PCDHGA7: variants seen among roughly 807,000 people sequenced by gnomAD.
The protein encoded by PCDHGA7 is protocadherin gamma subfamily A, 7, also known as protocadherin gamma-A7.
A neutral mutation model predicts 58.3 loss-of-function variants in PCDHGA7; 44 were observed. That is an observed-to-expected ratio of 0.75 (90% CI 0.59 to 0.97). The LOEUF is 0.97. Among genes scored for constraint, PCDHGA7 ranks in the 50% least tolerant of loss-of-function variants. The pLI is 0.00. For missense variants in PCDHGA7, 1,266 were observed against 1,188.7 expected (o/e 1.06, Z -0.96); for synonymous variants, 516 against 504.2 (o/e 1.02, Z -0.31).
chr5:141,416,650 A>G (rs935670434), intron 1 of PCDHGA7: 2 of 152,238 alleles, frequency 1.3e-5, no homozygotes, highest in Admixed American at 6.5e-5. Context: ...CCACAGCTGT[A>G]AAAAAGAAAA....
At position 141,403,695 on chromosome 5, in the gene PCDHGA7, G is replaced by T. The variant is rs376074779; in HGVS notation, c.2424+18372G>T. On this transcript the variant is annotated intron_variant, in intron 1 of 3. Transcript: ENST00000518325. ...CCGGTTTTTGCTCAACGGATTTACC[G>T]AGTTAAAGTCCTTGAGAACGTGCCC... The T allele has an allele frequency of 2.9e-5, 46 of 1,613,780 alleles. No individual in the cohort carries two copies. The highest frequency in any genetic ancestry group is 3.7e-5 in the Non-Finnish European group (44 of 1,179,906).
intron 1 of PCDHGA7, chr5:141,414,273 G>A: frequency 6.2e-7 from 1 of 1,613,418 alleles, no homozygotes; most frequent in Non-Finnish European, 8.5e-7. Flanking sequence ...ATTCACCTCT[G>A]GGAACAGTCG....
chr5:141,496,126 C>T (rs934132550), intron 2 of PCDHGA7, among the ~76,000 whole-genome samples: 2 of 152,062 alleles, frequency 1.3e-5, no homozygotes, highest in African/African-American at 4.8e-5. Context: ...CCCTGCCCCT[C>T]ACACACTGAG....
intron 2 of PCDHGA7, among the ~76,000 whole-genome samples, chr5:141,501,049 A>G (rs1458722311): frequency 1.3e-5 from 2 of 151,844 alleles, no homozygotes; most frequent in African/African-American, 2.4e-5. Flanking sequence ...TTGTATTTTT[A>G]GTAGAGACGG....
At position 141,432,724 on chromosome 5, in the gene PCDHGA7, C is replaced by T. The variant is rs752394602; in HGVS notation, c.2424+47401C>T. ...AGGACCACGGCCAGCCCCCTCTCTCCGCCACTGTCACGCTCACCGTGGCCG... is the reference window on the plus strand; with the variant it reads ...AGGACCACGGCCAGCCCCCTCTCTCTGCCACTGTCACGCTCACCGTGGCCG... On this transcript the variant is annotated intron_variant, in intron 1 of 3. Coordinates refer to ENST00000518325, the MANE Select transcript of PCDHGA7 (RefSeq NM_018920.4). The surrounding 1 kb of genome is among the most constrained non-coding windows in gnomAD (Gnocchi z 6.0). The T allele has an allele frequency of 8.1e-6, 13 of 1,614,066 alleles. No individual in the cohort carries two copies. Among genetic ancestry groups the T allele is most frequent in the Middle Eastern group, 1.6e-4 (1 of 6,062 alleles).
chr5:141,414,868 G>A (rs1346192710), intron 1 of PCDHGA7: 1 of 1,614,098 alleles, frequency 6.2e-7, no homozygotes, highest in African/African-American at 1.3e-5. Flanking sequence ...CAATGCGCCC[G>A]AGATCCTGTA....
chr5:141,449,936 T>C (rs1016569958), intron 1 of PCDHGA7, among the ~76,000 whole-genome samples: 4 of 151,978 alleles, frequency 2.6e-5, no homozygotes, highest in African/African-American at 9.6e-5. Context: ...CCTTATAGTA[T>C]ATTTTACTAT....
intron 1 of PCDHGA7, chr5:141,421,591 G>T: frequency 6.2e-7 from 1 of 1,613,874 alleles, no homozygotes; most frequent in Non-Finnish European, 8.5e-7. Context: ...CGGAGTGGAG[G>T]TGGAAATAAT....
rs746220376 is a variant in PCDHGA7, at chr5:141,385,262, A to C, written c.2363A>C (p.Asn788Thr). Residue 788 changes from asparagine (N) to threonine (T), a missense_variant, in exon 1 of 4, where the codon AAT becomes ACT. Coordinates refer to ENST00000518325, the MANE Select transcript of PCDHGA7 (RefSeq NM_018920.4). ...MLISQESCEK[N>T]DSLLTSVDFQ... ...ATCAGCCAGGAGAGCTGTGAGAAAA[A>C]TGATTCTTTGCTAACATCCGTAGAT... 3.1e-6 allele frequency: 5 copies of C among 1,613,732 alleles called. No homozygotes were observed. The highest frequency in any genetic ancestry group is 4.2e-6 in the Non-Finnish European group (5 of 1,179,602).
intron 1 of PCDHGA7, chr5:141,419,785 G>A (rs1268841728): frequency 1.2e-6 from 2 of 1,613,934 alleles, no homozygotes; most frequent in Non-Finnish European, 1.7e-6. Flanking sequence ...GCCAGCGCCT[G>A]CTAGTCGCTG....
At position 141,384,518 on chromosome 5, in the gene PCDHGA7, C is replaced by A; in HGVS notation, c.1619C>A (p.Pro540Gln). ...LRVTAHDSGDPPLSSNMSLSL... is the reference protein window; with the variant it reads ...LRVTAHDSGDQPLSSNMSLSL... Reference sequence around the variant, plus strand: ...GTGACTGCACATGACAGCGGGGACCCGCCTCTCAGCAGCAACATGTCACTG... The same window carrying A: ...GTGACTGCACATGACAGCGGGGACCAGCCTCTCAGCAGCAACATGTCACTG... The change falls in exon 1 of 4, where the codon CCG (proline) becomes CAG (glutamine). Residue 540 changes from proline to glutamine, a missense_variant. Transcript: ENST00000518325. 1.2e-6 allele frequency: 2 copies of A among 1,614,192 alleles called. No homozygotes were observed. Among genetic ancestry groups the A allele is most frequent in the South Asian group, 2.2e-5 (2 of 91,080 alleles).
At position 141,383,730 on chromosome 5, in the gene PCDHGA7, G is replaced by T. The variant is rs781549329; in HGVS notation, c.831G>T (p.Val277=). ...IDLDEGVNGE[V]TYSFRKITPK... ...TGGACGAGGGAGTCAATGGGGAAGTGACATATTCTTTTCGGAAAATAACTC... is the reference window on the plus strand; with the variant it reads ...TGGACGAGGGAGTCAATGGGGAAGTTACATATTCTTTTCGGAAAATAACTC... The change falls in exon 1 of 4, where the codon GTG becomes GTT. Residue 277 remains valine, a synonymous_variant. Coordinates refer to ENST00000518325, the MANE Select transcript of PCDHGA7 (RefSeq NM_018920.4). 1.2e-6 allele frequency: 2 copies of T among 1,613,866 alleles called. No homozygotes were observed. Among genetic ancestry groups the T allele is most frequent in the Admixed American group, 3.3e-5 (2 of 60,012 alleles).
chr5:141,484,949 A>C, intron 1 of PCDHGA7: 1 of 557,400 alleles, frequency 1.8e-6, no homozygotes, highest in Non-Finnish European at 3.2e-6. Context: ...TGCTCAGCCT[A>C]TTGGCTGAGC....
At chr5:141,415,737 A>G in intron 1 of PCDHGA7, 1 of 574,948 alleles carries the variant, frequency 1.7e-6, no homozygotes, top group Non-Finnish European at 2.5e-6. Flanking sequence ...GATGTTTATT[A>G]AGGTTTTTTT....
chr5:141,383,097 C>T lies in PCDHGA7; in HGVS notation c.198C>T (p.Ile66=). 1 of 1,613,998 alleles carries T rather than the reference C, an allele frequency of 6.2e-7. No individual in the cohort carries two copies. The highest frequency in any genetic ancestry group is 8.5e-7 in the Non-Finnish European group (1 of 1,179,934). Residue 66 remains isoleucine (I), a synonymous_variant, in exon 1 of 4, where the codon ATC becomes ATT. Transcript: ENST00000518325. ...PRELAERGVR[I]ISRGRTQLFA... ...AGCTGGCGGAGCGCGGAGTCCGCAT[C>T]ATCTCCAGAGGTAGGACGCAGCTTT...
chr5:141,479,801 G>A (rs2099507037), intron 1 of PCDHGA7, among the ~76,000 whole-genome samples: 1 of 152,118 alleles, frequency 6.6e-6, no homozygotes, highest in Non-Finnish European at 1.5e-5. Flanking sequence ...AATTCAGGGT[G>A]GTATGCAAGG....
rs1240258760 is a variant in PCDHGA7 at position 141,423,933 on chromosome 5, GAAGT to G, written c.2424+38615_2424+38618del. On this transcript the variant is annotated intron_variant, in intron 1 of 3. Coordinates refer to ENST00000518325, the MANE Select transcript of PCDHGA7 (RefSeq NM_018920.4). The stretch of plus-strand genomic sequence containing the variant: ...CCATTCAACTATGCTGGTTTGGTTT[GAAGT>G]AAGTTGAATTTTAGTATTATTTTTC... 5 of 1,226,500 alleles carry G rather than the reference GAAGT, an allele frequency of 4.1e-6. No homozygotes were observed. The African/African-American group carries it at 7.9e-5, about 19-fold the overall frequency. The allele number at this position is 1,226,500 out of a possible 1,614,324, so 76.0% of individuals were successfully genotyped here. A position where few individuals can be genotyped will look rare whatever the true frequency, so the allele number is the denominator to read the frequency against.
intron 1 of PCDHGA7, chr5:141,416,916 T>A (rs751743318): frequency 5.5e-4 from 83 of 152,132 alleles, no homozygotes; most frequent in Non-Finnish European, 8.5e-4. Flanking sequence ...CTCTTTAGGG[T>A]CATAGTTATT....
rs1250096461 is a variant in PCDHGA7 at position 141,485,533 on chromosome 5, G to A, written c.2425-9274G>A. 6.2e-7 allele frequency: 1 copy of A among 1,614,084 alleles called. No homozygotes were observed. Among genetic ancestry groups the A allele is most frequent in the Non-Finnish European group, 8.5e-7 (1 of 1,180,034 alleles). On this transcript the variant is annotated intron_variant, in intron 1 of 3. Coordinates refer to ENST00000518325, the MANE Select transcript of PCDHGA7 (RefSeq NM_018920.4). This position sits in a 1 kb window ranked among gnomAD's most constrained non-coding sequence, Gnocchi z 5.7. ...GTCCTTTGGAAATGTACCGAGCAGA[G>A]GTAGAGATCGTAGATGTGAATGATC...
Sources: allele counts gnomAD v4.1 joint callset (sites outside exome capture counted in the v4.1 genomes callset), GRCh38; gene constraint gnomAD v4.1.1; non-coding constraint Gnocchi (gnomAD v3.1); transcripts MANE v1.5; gene names NCBI Gene and HGNC (gene_info 2026-07-23, HGNC 2026-07-21).